The following LRCH1 variants were observed in gnomAD, a reference collection of about 807,000 sequenced individuals.
LRCH1 encodes leucine-rich repeat and calponin homology domain-containing protein 1.
Under a neutral mutation model 94.9 loss-of-function variants are expected in LRCH1, and 23 were observed. The observed-to-expected ratio is 0.24, with a 90% confidence interval of 0.17 to 0.34. The LOEUF (loss-of-function observed/expected upper bound fraction) is 0.34. LRCH1 is among the 10% of genes least tolerant of loss of function. The probability of loss-of-function intolerance (pLI) is 1.00; values close to 1 mark genes in which losing one functional copy is unlikely to be tolerated. For synonymous variants in LRCH1, 364 were observed against 354.9 expected (o/e 1.03, Z -0.29); for missense variants, 790 against 945.9 (o/e 0.84, Z 2.16).
chr13:46,728,883 G>C lies in LRCH1; in HGVS notation c.1906G>C (p.Asp636His), dbSNP rs575481527. 1.2e-6 allele frequency: 2 copies of C among 1,612,908 alleles called. No individual in the cohort carries two copies. Among genetic ancestry groups the C allele is most frequent in the South Asian group, 2.2e-5 (2 of 90,670 alleles). ...EMRLKVSLHE[D>H]LGAALMDGVV... The stretch of plus-strand genomic sequence containing the variant: ...GAGATTGAAGGTCAGTCTACACGAA[G>C]ACCTGGGGGCAGCCCTCATGGATGG... The change falls in exon 18 of 20, where the codon GAC (aspartate) becomes CAC (histidine). Residue 636 changes from aspartate (D) to histidine (H), a missense_variant. Asp to His is a moderately conservative substitution (Grantham distance 81, BLOSUM62 -1). Coordinates refer to ENST00000389797, the MANE Select transcript of LRCH1 (RefSeq NM_001164211.2).
chr13:46,677,219 G>A lies in LRCH1; in HGVS notation c.580-4522G>A, dbSNP rs537140022. Among the ~76,000 whole-genome samples, 237 of 146,914 alleles carry A rather than the reference G, an allele frequency of 1.6e-3. 1 individual carries two copies. Among genetic ancestry groups the A allele is most frequent in the Non-Finnish European group, 2.6e-3 (179 of 67,578 alleles). The stretch of plus-strand genomic sequence containing the variant: ...GAGGTCAGGAGTTCGAGACCAGCCT[G>A]GCCAACATGGTGAAACCTCGTCTCT... On this transcript the variant is annotated intron_variant, in intron 3 of 19. Coordinates refer to ENST00000389797, the MANE Select transcript of LRCH1 (RefSeq NM_001164211.2).
intron 1 of LRCH1, among the ~76,000 whole-genome samples, chr13:46,614,256 C>T (rs1303905198): frequency 6.6e-6 from 1 of 152,110 alleles, no homozygotes; most frequent in Non-Finnish European, 1.5e-5. Context: ...TGATCTATAT[C>T]TCCCCATTTT....
chr13:46,570,457 C>G (rs2050229745), intron 1 of LRCH1, among the ~76,000 whole-genome samples: 1 of 152,168 alleles, frequency 6.6e-6, no homozygotes, highest in Non-Finnish European at 1.5e-5. Context: ...TTACATAATT[C>G]ATTCAAGGTC....
At chr13:46,696,683 A>G (rs1871211232) in intron 9 of LRCH1, among the ~76,000 whole-genome samples, 1 of 152,204 alleles carries the variant, frequency 6.6e-6, no homozygotes, top group African/African-American at 2.4e-5. Flanking sequence ...AAAAATGTTA[A>G]TGATAAAATG....
intron 3 of LRCH1, among the ~76,000 whole-genome samples, 187 bp from the exon 4 acceptor site, chr13:46,681,554 G>A (rs1351727895): frequency 6.6e-6 from 1 of 152,186 alleles, no homozygotes; most frequent in East Asian, 1.9e-4. Flanking sequence ...TCTCTCCTGT[G>A]AGGGAGTTTA....
At chr13:46,661,645 T>C (rs1313403732) in intron 2 of LRCH1, among the ~76,000 whole-genome samples, 9 of 152,242 alleles carry the variant, frequency 5.9e-5, no homozygotes, top group African/African-American at 1.7e-4. Flanking sequence ...AGAAGCTCTC[T>C]GAAGATTCAT....
In LRCH1 at chr13:46,633,013, T is replaced by C. The variant is rs966080828; in HGVS notation, c.308-17188T>C. On this transcript the variant is annotated intron_variant, in intron 1 of 19. Coordinates refer to ENST00000389797, the MANE Select transcript of LRCH1 (RefSeq NM_001164211.2). ...AGATCTGTTAAAAAGACTGCAGAAA[T>C]CCTCTGAATTGAATAAACTATTTCT... Among the ~76,000 whole-genome samples the C allele has an allele frequency of 5.3e-5, 8 of 152,220 alleles. 1 individual carries two copies. The highest frequency in any genetic ancestry group is 1.9e-4 in the African/African-American group (8 of 41,452).
At chr13:46,606,148 A>ATG (rs3991577) in intron 1 of LRCH1, among the ~76,000 whole-genome samples, 3,902 of 148,688 alleles carry the variant, frequency 0.026, 111 homozygotes, top group East Asian at 0.082. Flanking sequence ...TTTTAACCTT[A>ATG]TGTGTGTGTG....
chr13:46,689,099 T>A (rs745806779), intron 6 of LRCH1, 34 bp from the exon 7 acceptor site: 4 of 1,521,796 alleles, frequency 2.6e-6, no homozygotes, highest in Non-Finnish European at 3.6e-6. Flanking sequence ...TAATCTTTTT[T>A]AAATGAATTC....
intron 2 of LRCH1, among the ~76,000 whole-genome samples, chr13:46,666,005 A>T (rs912332169): frequency 6.6e-6 from 1 of 152,158 alleles, no homozygotes; most frequent in African/African-American, 2.4e-5. Context: ...CTATTGGGGA[A>T]ATTACAAGTA....
chr13:46,686,179 G>C (rs1051790234), intron 5 of LRCH1, 138 bp downstream of exon 5: 4 of 867,012 alleles, frequency 4.6e-6, no homozygotes, highest in South Asian at 3.6e-5. Context: ...TGGAGAAAAG[G>C]CATCAAAATT....
At chr13:46,707,336 C>T (rs918130788) in intron 13 of LRCH1, among the ~76,000 whole-genome samples, 22 of 152,138 alleles carry the variant, frequency 1.4e-4, no homozygotes, top group African/African-American at 4.8e-4. Flanking sequence ...ATTCTGATTT[C>T]GAATACTGCA....
At chr13:46,696,187 CAT>C (rs1871170474) in intron 9 of LRCH1, among the ~76,000 whole-genome samples, 4 of 140,512 alleles carry the variant, frequency 2.8e-5, no homozygotes, top group South Asian at 2.3e-4. Flanking sequence ...TGCATGCATG[CAT>C]GTGTGTACAC....
intron 1 of LRCH1, among the ~76,000 whole-genome samples, chr13:46,605,389 G>A (rs780547103): frequency 7.9e-5 from 12 of 151,992 alleles, no homozygotes; most frequent in South Asian, 4.1e-4. Context: ...CCTTTTATCC[G>A]TTCATATCCA....
intron 19 of LRCH1, among the ~76,000 whole-genome samples, chr13:46,740,058 G>T (rs549241803): frequency 6.6e-6 from 1 of 152,306 alleles, no homozygotes; most frequent in South Asian, 2.1e-4. Flanking sequence ...ATTTCAGTTT[G>T]CATATCAGCC....
At chr13:46,697,652 G>T (rs1458080025) in intron 9 of LRCH1, among the ~76,000 whole-genome samples, 1 of 152,166 alleles carries the variant, frequency 6.6e-6, no homozygotes, top group African/African-American at 2.4e-5. Context: ...GTGTCACCTT[G>T]TTCCACCTCA....
At chr13:46,699,192 G>A (rs2138176614) in intron 9 of LRCH1, 144 bp from the exon 10 acceptor site, 1 of 644,488 alleles carries the variant, frequency 1.6e-6, no homozygotes, top group South Asian at 1.8e-5. Flanking sequence ...TTGTTTATCT[G>A]TCCCTCCATA....
At chr13:46,617,814 C>T (rs534510804) in intron 1 of LRCH1, among the ~76,000 whole-genome samples, 14 of 152,148 alleles carry the variant, frequency 9.2e-5, no homozygotes, top group Non-Finnish European at 1.0e-4. Flanking sequence ...GGATAGGCCC[C>T]AAAACATTTT....
chr13:46,667,209 G>A (rs147730012), intron 2 of LRCH1, among the ~76,000 whole-genome samples: 29 of 152,224 alleles, frequency 1.9e-4, no homozygotes, highest in Middle Eastern at 3.4e-3. Flanking sequence ...AGTTACATGG[G>A]TAATTGAGTG....
Sources: allele counts gnomAD v4.1 joint callset (sites outside exome capture counted in the v4.1 genomes callset), GRCh38; gene constraint gnomAD v4.1.1; transcripts MANE v1.5; gene names NCBI Gene and HGNC (gene_info 2026-07-23, HGNC 2026-07-21).